Variants in MYH6 observed in about 807,000 individuals in gnomAD.
MYH6 encodes the protein myosin-6.
MYH6 carries 126 observed loss-of-function variants against 223.2 expected under a neutral mutation model. That is an observed-to-expected ratio of 0.56 (90% CI 0.49 to 0.65). The LOEUF (loss-of-function observed/expected upper bound fraction) is 0.65. Among genes scored for constraint, MYH6 ranks in the 30% least tolerant of loss-of-function variants. MYH6 has a pLI of 0.00. For synonymous variants in MYH6, 978 were observed against 1,010.2 expected (o/e 0.97, Z 0.61); for missense variants, 2,040 against 2,536.4 (o/e 0.80, Z 4.20).
chr14:23,404,445 G>A (rs1169251131), intron 7 of MYH6, 57 bp from the exon 8 acceptor site: 1 of 1,599,440 alleles, frequency 6.3e-7, no homozygotes, highest in African/African-American at 1.3e-5. Context: ...AGGCAGTGGT[G>A]AGAGGGCAGG....
rs777062797 is a variant in MYH6, at chr14:23,392,700, C to T, written c.3252-48G>A. 3 of 1,496,722 alleles carry T rather than the reference C, an allele frequency of 2.0e-6. No homozygotes were observed. The South Asian group carries it at 3.4e-5, about 17-fold the overall frequency. The allele number at this position is 1,496,722 out of a possible 1,614,324, so 92.7% of individuals were successfully genotyped here. A position where few individuals can be genotyped will look rare whatever the true frequency, so the allele number is the denominator to read the frequency against. ...GGGGAGTGACAGGTAGCCTTCCTTC[C>T]TCTGGGGCTCATTCTCTTCTTGGCC... On this transcript the variant is annotated intron_variant, in intron 24 of 38. Coordinates refer to ENST00000405093, the MANE Select transcript of MYH6 (RefSeq NM_002471.4).
intron 36 of MYH6, 46 bp from the exon 37 acceptor site, chr14:23,383,366 T>G (rs766887560): frequency 1.5e-5 from 21 of 1,402,004 alleles, no homozygotes; most frequent in Non-Finnish European, 1.0e-6. Flanking sequence ...GGGGAGCAAA[T>G]GCAATCACCT....
In MYH6 at chr14:23,407,524, C is replaced by A; in HGVS notation, c.-14+52G>T. 7.7e-7 allele frequency: 1 copy of A among 1,303,250 alleles called. No individual in the cohort carries two copies. The highest frequency in any genetic ancestry group is 9.8e-7 in the Non-Finnish European group (1 of 1,015,496). The allele number at this position is 1,303,250 out of a possible 1,614,324, so 80.7% of individuals were successfully genotyped here. ...AGACCCCTGGTCCAGCAATCCGGCT[C>A]CCAGGAGAAGCATGCCCCAGTCTCT... is the stretch of plus-strand genomic sequence containing the variant. On this transcript the variant is annotated intron_variant, in intron 2 of 38. Transcript: ENST00000405093. This position sits in a 1 kb window ranked among gnomAD's most constrained non-coding sequence, Gnocchi z 5.6.
Position 23,408,142 on chromosome 14 carries a change from G to A in MYH6, c.-47+111C>T, listed in dbSNP as rs900886946. 5 of 744,838 alleles carry A rather than the reference G, an allele frequency of 6.7e-6. No homozygotes were observed. In the African/African-American group the frequency reaches 9.6e-5, roughly 14 times the overall value. 46.1% of individuals were successfully genotyped at this position (744,838 alleles called of 1,614,324 possible). A position where few individuals can be genotyped will look rare whatever the true frequency, so the allele number is the denominator to read the frequency against. On this transcript the variant is annotated intron_variant, in intron 1 of 38. Coordinates refer to ENST00000405093, the MANE Select transcript of MYH6 (RefSeq NM_002471.4). ...GGCCTGGAGATAGGCAGTTTTAATAGAGCCCTTAGGCCTCCAACTGACCTG... is the reference window on the plus strand; with the variant it reads ...GGCCTGGAGATAGGCAGTTTTAATAAAGCCCTTAGGCCTCCAACTGACCTG...
chr14:23,391,326 G>A (rs1213521556), intron 25 of MYH6, among the ~76,000 whole-genome samples: 1 of 152,220 alleles, frequency 6.6e-6, no homozygotes, highest in Non-Finnish European at 1.5e-5. Flanking sequence ...TTCTGAGCAA[G>A]ATCTTGGGGA....
rs560776256 is a variant in MYH6, at chr14:23,393,036, C to G, written c.3127G>C (p.Glu1043Gln). Residue 1043 changes from glutamate (E) to glutamine (Q), a missense_variant, in exon 24 of 39, where the codon GAG (glutamate) becomes CAG (glutamine). Physicochemically the swap from Glu to Gln is conservative, Grantham distance 29. Transcript: ENST00000405093. ...TCCAGGTCCATGCGCACCTTCTTCT[C>G]TTGCTCTAGGGATCCCTCCAGCTGT... is the stretch of plus-strand genomic sequence containing the variant. ...VDDLEGSLEQ[E>Q]KKVRMDLERA... The G allele has an allele frequency of 6.2e-7, 1 of 1,614,220 alleles. No homozygotes were observed. The highest frequency in any genetic ancestry group is 1.7e-5 in the Admixed American group (1 of 60,034).
At position 23,405,851 on chromosome 14, in the gene MYH6, C is replaced by T. The variant is rs1216764486; in HGVS notation, c.202-81G>A. 6.3e-6 allele frequency: 10 copies of T among 1,585,636 alleles called. No individual in the cohort carries two copies. Among genetic ancestry groups the T allele is most frequent in the Non-Finnish European group, 7.8e-6 (9 of 1,154,946 alleles). ...GCCAGCACTGCCCACTGACCTCCTC[C>T]CAGGACACAGGGACTTGGCCTTGCT... is the stretch of plus-strand genomic sequence containing the variant. On this transcript the variant is annotated intron_variant, in intron 3 of 38. Transcript: ENST00000405093. The surrounding 1 kb of genome is among the most constrained non-coding windows in gnomAD (Gnocchi z 4.7).
chr14:23,395,107 C>T (rs901419110), intron 20 of MYH6, among the ~76,000 whole-genome samples: 16 of 152,310 alleles, frequency 1.1e-4, no homozygotes, highest in East Asian at 1.9e-4. Context: ...TCAGGTGATC[C>T]GCCTGCCTTA....
chr14:23,384,714 C>A lies in MYH6; in HGVS notation c.5293G>T (p.Ala1765Ser), dbSNP rs397516775. The change falls in exon 36 of 39, where the codon GCC becomes TCC. Residue 1765 changes from alanine to serine, a missense_variant. Physicochemically the swap from Ala to Ser is moderately conservative, Grantham distance 99. This residue lies in a region of MYH6 where 1,203 missense variants were observed against 1,400.2 expected (regional missense o/e 0.86). Coordinates refer to ENST00000405093, the MANE Select transcript of MYH6 (RefSeq NM_002471.4). The part of the protein sequence containing the change: ...EKAKKAITDA[A>S]MMAEELKKEQ... ...TTCTTCAGCTCCTCTGCCATCATGG[C>A]GGCCTGTGTGCAGGAGAGAGGTGGC... is the stretch of plus-strand genomic sequence containing the variant. The A allele has an allele frequency of 6.2e-7, 1 of 1,614,248 alleles. No homozygotes were observed. The highest frequency in any genetic ancestry group is 1.1e-5 in the South Asian group (1 of 91,088).
rs1010492817 is a variant in MYH6, at chr14:23,385,812, A to G, written c.5163+116T>C. ...CACCACAGATGAGAGTTGGCCTAAG[A>G]GAGGAAATGATTTGTGACCCTGGCT... On this transcript the variant is annotated intron_variant, in intron 34 of 38. Coordinates refer to ENST00000405093, the MANE Select transcript of MYH6 (RefSeq NM_002471.4). 7.6e-6 allele frequency: 11 copies of G among 1,439,118 alleles called. No homozygotes were observed. The East Asian group carries it at 2.5e-4, about 33-fold the overall frequency. 89.1% of individuals were successfully genotyped at this position (1,439,118 alleles called of 1,614,324 possible).
intron 14 of MYH6, chr14:23,400,044 A>G: frequency 1.4e-6 from 1 of 715,370 alleles, no homozygotes; most frequent in South Asian, 1.8e-5. Flanking sequence ...TGAGGGGACC[A>G]CCACAAAGGG....
rs556240437 is a variant in MYH6, at chr14:23,405,418, G to A, written c.346-39C>T. The A allele has an allele frequency of 2.5e-6, 4 of 1,613,940 alleles. No individual in the cohort carries two copies. In the Middle Eastern group the frequency reaches 6.6e-4, roughly 266 times the overall value. ...CAAGGCTGGGCATGAGGTTGGTGGG[G>A]AGAGCCTGGGACAGGCAGTGGTGGC... On this transcript the variant is annotated intron_variant, in intron 4 of 38. Transcript: ENST00000405093. The surrounding 1 kb of genome is among the most constrained non-coding windows in gnomAD (Gnocchi z 4.7).
At position 23,388,839 on chromosome 14, in the gene MYH6, A is replaced by AG. The variant is rs1281115212; in HGVS notation, c.4175+19dup. ...CCCTTCCTCTCTGAGAGTCAGGTTA[A>AG]GGGGGTATCTGGAGCTCACTTGGCC... On this transcript the variant is annotated intron_variant, in intron 29 of 38. Coordinates refer to ENST00000405093, the MANE Select transcript of MYH6 (RefSeq NM_002471.4). 11 of 1,613,846 alleles carry AG rather than the reference A, an allele frequency of 6.8e-6. No homozygotes were observed. Among genetic ancestry groups the AG allele is most frequent in the Middle Eastern group, 1.7e-4 (1 of 5,806 alleles).
intron 3 of MYH6, among the ~76,000 whole-genome samples, chr14:23,406,441 A>C (rs899364597): frequency 6.6e-6 from 1 of 152,154 alleles, no homozygotes; most frequent in African/African-American, 2.4e-5. Context: ...GTTATTCTAC[A>C]CTTCAATGGG....
In MYH6 at chr14:23,392,613, C is replaced by T; in HGVS notation, c.3291G>A (p.Glu1097=). 2 of 1,598,042 alleles carry T rather than the reference C, an allele frequency of 1.3e-6. No homozygotes were observed. Among genetic ancestry groups the T allele is most frequent in the Non-Finnish European group, 1.7e-6 (2 of 1,171,570 alleles). Residue 1097 remains glutamate (E), a synonymous_variant, in exon 25 of 39, where the codon GAG becomes GAA. Coordinates refer to ENST00000405093, the MANE Select transcript of MYH6 (RefSeq NM_002471.4). The stretch of plus-strand genomic sequence containing the variant: ...GTTGAAGGGCCAGCACCTGCTCATC[C>T]TCAATCTTACTGTTCTGCTGATTAA... ...FDINQQNSKI[E]DEQVLALQLQ... is the part of the protein sequence containing the mutation.
At position 23,404,758 on chromosome 14, in the gene MYH6, C is replaced by T. The variant is rs535526291; in HGVS notation, c.595G>A (p.Ala199Thr). Residue 199 changes from alanine to threonine, a missense_variant, in exon 7 of 39, where the codon GCA (alanine) becomes ACA (threonine). By Grantham distance (58) the Ala-to-Thr change is moderately conservative. Coordinates refer to ENST00000405093, the MANE Select transcript of MYH6 (RefSeq NM_002471.4). ...KRVIQYFASI[A>T]AIGDRGKKDN... Reference sequence around the variant, plus strand: ...TTCTTGCCACGGTCACCTATGGCTGCAATGCTGGCAAAGTACTGGATGACA... The same window carrying T: ...TTCTTGCCACGGTCACCTATGGCTGTAATGCTGGCAAAGTACTGGATGACA... 6.2e-7 allele frequency: 1 copy of T among 1,614,194 alleles called. No homozygotes were observed. Among genetic ancestry groups the T allele is most frequent in the Admixed American group, 1.7e-5 (1 of 60,032 alleles).
Position 23,383,257 on chromosome 14 carries a change from C to T in MYH6, c.5629G>A (p.Val1877Ile). The change falls in exon 37 of 39, where the codon GTC becomes ATC. Residue 1877 changes from valine to isoleucine, a missense_variant. Val to Ile is a conservative substitution (Grantham distance 29, BLOSUM62 3). Around this residue, in one of 4 missense-constraint regions of MYH6, gnomAD observed 1,203 missense variants for 1,400.2 expected, o/e 0.86. Transcript: ENST00000405093. ...TCGGCCTGGCGCTTGTAGGCCTTGA[C>T]CTTCAGTTGCAGCTTGTCCACCAGG... Reference protein sequence around the residue: ...QDLVDKLQLKVKAYKRQAEEA... With the variant: ...QDLVDKLQLKIKAYKRQAEEA... 1 of 1,497,824 alleles carries T rather than the reference C, an allele frequency of 6.7e-7. No individual in the cohort carries two copies. Among genetic ancestry groups the T allele is most frequent in the Non-Finnish European group, 9.0e-7 (1 of 1,109,566 alleles). 92.8% of individuals were successfully genotyped at this position (1,497,824 alleles called of 1,614,324 possible).
chr14:23,397,721 G>A lies in MYH6; in HGVS notation c.1892-108C>T. On this transcript the variant is annotated intron_variant, in intron 15 of 38. Transcript: ENST00000405093. The stretch of plus-strand genomic sequence containing the variant: ...TGGTAGCTCTGAGACTTTGGGCAAG[G>A]AATTCTCCAAGATTCAGTTTACCAT... The A allele has an allele frequency of 3.5e-6, 4 of 1,139,582 alleles. No individual in the cohort carries two copies. The South Asian group carries it at 5.0e-5, about 14-fold the overall frequency. 70.6% of individuals were successfully genotyped at this position (1,139,582 alleles called of 1,614,324 possible). A position where few individuals can be genotyped will look rare whatever the true frequency, so the allele number is the denominator to read the frequency against.
chr14:23,396,707 A>G lies in MYH6; in HGVS notation c.2279T>C (p.Phe760Ser), dbSNP rs747298006. 1.2e-6 allele frequency: 2 copies of G among 1,614,004 alleles called. No homozygotes were observed. Among genetic ancestry groups the G allele is most frequent in the Middle Eastern group, 1.7e-4 (1 of 6,056 alleles). The change falls in exon 19 of 39, where the codon TTT becomes TCT. Residue 760 changes from phenylalanine (F) to serine (S), a missense_variant. Phe to Ser is a radical substitution (Grantham distance 155, BLOSUM62 -2). Transcript: ENST00000405093. The part of the protein sequence containing the change: ...SLDIDHNQYK[F>S]GHTKVFFKAG... ...CTCTAGACTCACCTTGGTGTGGCCA[A>G]ACTTGTACTGGTTGTGATCAATGTC... is the stretch of plus-strand genomic sequence containing the variant.
Sources: gnomAD v4.1 joint callset for allele counts (sites outside exome capture counted in the v4.1 genomes callset) on GRCh38, gnomAD v4.1.1 for gene constraint, gnomAD v4.1.1 regional missense constraint, Gnocchi (gnomAD v3.1) non-coding constraint, MANE v1.5 for transcripts, NCBI Gene and HGNC (gene_info 2026-07-23, HGNC 2026-07-21) for gene names.